P2RX5: variants seen among roughly 807,000 people sequenced by gnomAD.
P2RX5 encodes purinergic receptor P2X 5.
Under a neutral mutation model 54.1 loss-of-function variants are expected in P2RX5, and 46 were observed. That is an observed-to-expected ratio of 0.85 (90% confidence interval 0.67 to 1.09). The LOEUF is 1.09. Among genes scored for constraint, P2RX5 ranks in the 50% least tolerant of loss-of-function variants. The pLI is 0.00. For synonymous variants in P2RX5, 226 were observed against 226.4 expected, an observed-to-expected ratio of 1.00 and a Z score of 0.02; for missense variants, 566 against 549.8, an observed-to-expected ratio of 1.03 and a Z score of -0.29.
chr17:3,688,183 G>A, intron 8 of P2RX5, 78 bp from the exon 9 acceptor site: 1 of 812,648 alleles, frequency 1.2e-6, no homozygotes, highest in Non-Finnish European at 2.1e-6. Context: ...TGGCTGCTCT[G>A]GGGACTTAGA....
intron 11 of P2RX5, chr17:3,677,467 C>G (rs1018864326): frequency 1.0e-6 from 1 of 985,358 alleles, no homozygotes; most frequent in Non-Finnish European, 1.2e-6. Context: ...CCAGTCCTTT[C>G]CTGGTTGCCT....
Position 3,691,633 on chromosome 17 carries a change from G to A in P2RX5, c.288+11C>T, listed in dbSNP as rs778626021. On this transcript the variant is annotated intron_variant, in intron 2 of 11. Transcript: ENST00000225328. ...GCCAGCCTTGGCCGTGTGCTAGGTGGGGACTCAGACCTGGGCTGGAATGAC... is the reference window on the plus strand; with the variant it reads ...GCCAGCCTTGGCCGTGTGCTAGGTGAGGACTCAGACCTGGGCTGGAATGAC... The A allele has an allele frequency of 6.2e-7, 1 of 1,614,138 alleles. No homozygotes were observed. Among genetic ancestry groups the A allele is most frequent in the South Asian group, 1.1e-5 (1 of 91,084 alleles).
At chr17:3,703,440 ATTGC>A in the P2RX5 span, among the ~76,000 whole-genome samples, 1 of 152,060 alleles carries the variant, frequency 6.6e-6, no homozygotes, top group Non-Finnish European at 1.5e-5. Context: ...AGGTGGGAAG[ATTGC>A]TTGAGCCCAG....
intron 9 of P2RX5, chr17:3,685,726 TGAGAA>T (rs2050440879): frequency 4.6e-5 from 1 of 21,698 alleles, no homozygotes; most frequent in Non-Finnish European, 1.3e-4. Flanking sequence ...CCTCCCAGCC[TGAGAA>T]CAGGAGAACG....
At chr17:3,692,141 CAAA>C (rs11419514) in intron 1 of P2RX5, 135 of 143,220 alleles carry the variant, frequency 9.4e-4, no homozygotes, top group South Asian at 4.6e-3. Context: ...TGTCTCTACT[CAAA>C]AAAAAAAAAA....
upstream of P2RX5, among the ~76,000 whole-genome samples, chr17:3,696,840 A>C (rs1331699112): frequency 1.3e-5 from 2 of 152,152 alleles, no homozygotes; most frequent in Non-Finnish European, 2.9e-5. Flanking sequence ...CAGGGGAGGA[A>C]GGAAGGGGAC....
intron 9 of P2RX5, among the ~76,000 whole-genome samples, chr17:3,685,236 G>A (rs975292384): frequency 2.6e-5 from 4 of 152,116 alleles, no homozygotes; most frequent in South Asian, 2.1e-4. Context: ...GCCACGCCTC[G>A]GCTGGGGACT....
chr17:3,681,667 C>T (rs1015436730), intron 10 of P2RX5, among the ~76,000 whole-genome samples: 1 of 152,208 alleles, frequency 6.6e-6, no homozygotes, highest in Non-Finnish European at 1.5e-5. Context: ...TCAGGCGGAG[C>T]CTGTGAACTC....
In P2RX5 at chr17:3,695,975, G is replaced by A. The variant is rs779713848; in HGVS notation, c.31C>T (p.Leu11=). ...TCGGTCTTGTAGTCGAACAGCGACA[G>A]GCAGAGCCCCTTGCAGCCCGCCTGC... MGQAGCKGLC[L]SLFDYKTEKY... Residue 11 remains leucine (L), a synonymous_variant, in exon 1 of 12, where the codon CTG becomes TTG. Coordinates refer to ENST00000225328, the MANE Select transcript of P2RX5 (RefSeq NM_002561.4). 6.2e-7 allele frequency: 1 copy of A among 1,614,060 alleles called. No individual in the cohort carries two copies. Among genetic ancestry groups the A allele is most frequent in the South Asian group, 1.1e-5 (1 of 91,090 alleles).
chr17:3,706,217 T>C, the P2RX5 span, among the ~76,000 whole-genome samples: 4 of 151,702 alleles, frequency 2.6e-5, no homozygotes, highest in Non-Finnish European at 5.9e-5. Flanking sequence ...CCTCCCAAAG[T>C]GCCGGGATTA....
At chr17:3,714,006 C>T in the P2RX5 span, among the ~76,000 whole-genome samples, 1 of 152,016 alleles carries the variant, frequency 6.6e-6, no homozygotes, top group East Asian at 1.9e-4. Context: ...TGGCTCACTG[C>T]AAGCTCTGCC....
chr17:3,700,673 C>T (rs972937379), upstream of P2RX5, among the ~76,000 whole-genome samples: 2 of 152,146 alleles, frequency 1.3e-5, no homozygotes, highest in African/African-American at 2.4e-5. Context: ...AATGTGACCT[C>T]CCATGTTGGA....
At chr17:3,700,497 C>T (rs1355885726), upstream of P2RX5, among the ~76,000 whole-genome samples, 1 of 150,784 alleles carries the variant, frequency 6.6e-6, no homozygotes, top group East Asian at 1.9e-4. Flanking sequence ...TGTGCCACTG[C>T]ACTCCAGCCT....
intron 9 of P2RX5, among the ~76,000 whole-genome samples, chr17:3,683,725 G>A (rs222777): frequency 0.65 from 93,429 of 142,986 alleles, 33,760 homozygotes; most frequent in Non-Finnish European, 0.8. Context: ...GTGAGACTCC[G>A]TCTCAAAAAA....
At chr17:3,719,779 G>A in the P2RX5 span, among the ~76,000 whole-genome samples, 1 of 151,922 alleles carries the variant, frequency 6.6e-6, no homozygotes, top group East Asian at 1.9e-4. Context: ...TGAGGCTGGA[G>A]TGGAGTGGTG....
the P2RX5 span, among the ~76,000 whole-genome samples, chr17:3,715,740 C>CTG: frequency 6.6e-6 from 1 of 151,976 alleles, no homozygotes; most frequent in Non-Finnish European, 1.5e-5. Context: ...ACCTGAGTAA[C>CTG]AGTCCCAGTT....
intron 11 of P2RX5, among the ~76,000 whole-genome samples, chr17:3,674,760 T>C (rs1457448644): frequency 2.0e-5 from 3 of 152,214 alleles, no homozygotes; most frequent in African/African-American, 4.8e-5. Context: ...CTCACCTAGT[T>C]AGGCTGCTAT....
the P2RX5 span, among the ~76,000 whole-genome samples, chr17:3,720,116 C>T: frequency 6.6e-5 from 10 of 152,162 alleles, no homozygotes; most frequent in Non-Finnish European, 1.3e-4. Context: ...AACTCCTCAG[C>T]TTAGGCCTCT....
At chr17:3,712,098 C>T in the P2RX5 span, among the ~76,000 whole-genome samples, 1 of 152,128 alleles carries the variant, frequency 6.6e-6, no homozygotes, top group African/African-American at 2.4e-5. Flanking sequence ...AATATGAAAA[C>T]TTGGACACAA....
Sources: gnomAD v4.1 joint callset for allele counts (sites outside exome capture counted in the v4.1 genomes callset) on GRCh38, gnomAD v4.1.1 for gene constraint, MANE v1.5 for transcripts, NCBI Gene and HGNC (gene_info 2026-07-23, HGNC 2026-07-21) for gene names.